The following PIF1 variants were observed in gnomAD, a reference collection of about 807,000 sequenced individuals.
PIF1 encodes ATP-dependent DNA helicase PIF1.
In PIF1, 67 loss-of-function variants were observed where a neutral mutation model predicts 62.3. The observed-to-expected ratio is 1.08, with a 90% CI of 0.88 to 1.32. The LOEUF (loss-of-function observed/expected upper bound fraction) is 1.32, where lower values mean the gene tolerates loss of function less well. PIF1 is among the 40% of genes most tolerant of loss of function. The pLI, the probability that PIF1 is intolerant of heterozygous loss-of-function variation, is 0.00. For synonymous variants in PIF1, 364 were observed against 379.5 expected, an observed-to-expected ratio of 0.96 and a Z score of 0.47; for missense variants, 886 against 866.1, an observed-to-expected ratio of 1.02 and a Z score of -0.29.
Position 64,821,201 on chromosome 15 carries a change from G to GT in PIF1, c.1051dup (p.Thr351AsnfsTer52), listed in dbSNP as rs776831769. On this transcript the variant is annotated frameshift_variant, in exon 6 of 13. Transcript: ENST00000559239. LOFTEE classifies it high-confidence loss of function. The stretch of plus-strand genomic sequence containing the variant: ...GAACCGTGGGGGCTGGGAGCCCTTG[G>GT]TCACAGGTGGCAGCTGCAGAAAGTC... 6.1e-5 allele frequency: 99 copies of GT among 1,614,092 alleles called. No homozygotes were observed. Among genetic ancestry groups the GT allele is most frequent in the Non-Finnish European group, 8.0e-5 (94 of 1,180,054 alleles).
At chr15:64,824,593 C>G (rs1383235034) in intron 1 of PIF1, among the ~76,000 whole-genome samples, 1 of 151,982 alleles carries the variant, frequency 6.6e-6, no homozygotes, top group Non-Finnish European at 1.5e-5. Flanking sequence ...GCGCTTTAAT[C>G]CCAGCACTTT....
At chr15:64,819,620 C>A (rs1316726664) in intron 8 of PIF1, among the ~76,000 whole-genome samples, 1 of 152,120 alleles carries the variant, frequency 6.6e-6, no homozygotes, top group Non-Finnish European at 1.5e-5. Context: ...CCAAAAAAAA[C>A]TATTAGACCA....
Position 64,824,349 on chromosome 15 carries a change from G to C in PIF1, c.-14C>G. ...GCCCGAGAGCATCGTCACCGCCTCT[G>C]CTGGTCTGCGAAGACACCGGAGCAC... On this transcript the variant is annotated 5_prime_UTR_variant, in exon 2 of 13. Coordinates refer to ENST00000559239, the MANE Select transcript of PIF1 (RefSeq NM_001286496.2). The C allele has an allele frequency of 8.0e-7, 1 of 1,246,012 alleles. No homozygotes were observed. Among genetic ancestry groups the C allele is most frequent in the South Asian group, 3.6e-5 (1 of 28,018 alleles). The allele number at this position is 1,246,012 out of a possible 1,614,324, so 77.2% of individuals were successfully genotyped here.
At chr15:64,819,666 T>TG (rs981966516) in intron 8 of PIF1, among the ~76,000 whole-genome samples, 181 bp downstream of exon 8, 1 of 152,134 alleles carries the variant, frequency 6.6e-6, no homozygotes, top group Admixed American at 6.6e-5. Flanking sequence ...AGCGCAGGCC[T>TG]GGGGGGCTGT....
intron 7 of PIF1, among the ~76,000 whole-genome samples, chr15:64,820,584 A>C (rs547712039): frequency 6.6e-6 from 1 of 152,048 alleles, no homozygotes; most frequent in Non-Finnish European, 1.5e-5. Context: ...TTTAGTAGAG[A>C]CTGGGTTTCA....
intron 11 of PIF1, among the ~76,000 whole-genome samples, chr15:64,817,550 C>A (rs528336048): frequency 4.5e-4 from 67 of 148,416 alleles, no homozygotes; most frequent in African/African-American, 1.3e-3. Flanking sequence ...AAAAACTAAA[C>A]TAAACTAAAA....
At chr15:64,820,100 G>A (rs2084264593) in intron 7 of PIF1, 114 bp from the exon 8 acceptor site, 1 of 1,351,626 alleles carries the variant, frequency 7.4e-7, no homozygotes, top group Non-Finnish European at 1.0e-6. Context: ...ACTGGAAGAG[G>A]GCACCAGGGA....
In PIF1 at chr15:64,819,203, C is replaced by A. The variant is rs760964633; in HGVS notation, c.1354G>T (p.Ala452Ser). 6.2e-7 allele frequency: 1 copy of A among 1,605,012 alleles called. No homozygotes were observed. The highest frequency in any genetic ancestry group is 1.1e-5 in the South Asian group (1 of 88,862). Residue 452 changes from alanine to serine, a missense_variant, in exon 9 of 13, where the codon GCT (alanine) becomes TCT (serine). Transcript: ENST00000559239. ...ELPGKVHRFE[A>S]MDSNPELAST... ...GCCAGCTCAGGGTTGCTGTCCATAG[C>A]CTCAAATCTGTGTACCTTACCTGGA... is the stretch of plus-strand genomic sequence containing the variant.
Position 64,815,837 on chromosome 15 carries a change from G to C in PIF1, c.*461C>G. 6.4e-7 allele frequency: 1 copy of C among 1,550,624 alleles called. No homozygotes were observed. The highest frequency in any genetic ancestry group is 1.4e-5 in the African/African-American group (1 of 73,152). On this transcript the variant is annotated 3_prime_UTR_variant, in exon 13 of 13. Coordinates refer to ENST00000559239, the MANE Select transcript of PIF1 (RefSeq NM_001286496.2). Reference sequence around the variant, plus strand: ...GGCCTAGCTGTAGAGACACACCTAAGTTCCGTTCTCTGTTTGGAGGCTGCA... The same window carrying C: ...GGCCTAGCTGTAGAGACACACCTAACTTCCGTTCTCTGTTTGGAGGCTGCA...
chr15:64,823,973 G>A lies in PIF1; in HGVS notation c.363C>T (p.Arg121=). 7.7e-7 allele frequency: 1 copy of A among 1,300,782 alleles called. No homozygotes were observed. Among genetic ancestry groups the A allele is most frequent in the South Asian group, 2.3e-5 (1 of 43,722 alleles). 80.6% of individuals were successfully genotyped at this position (1,300,782 alleles called of 1,614,324 possible). A position where few individuals can be genotyped will look rare whatever the true frequency, so the allele number is the denominator to read the frequency against. The stretch of plus-strand genomic sequence containing the variant: ...GACCCGGGGCCGCAGCCAGCTTGAG[G>A]CGCAATGTGCGCAGGAAGCGGCGCA... ...DRLRRFLRTL[R]LKLAAAPGPG... is the part of the protein sequence containing the mutation. Residue 121 remains arginine (R), a synonymous_variant, in exon 2 of 13, where the codon CGC becomes CGT. Coordinates refer to ENST00000559239, the MANE Select transcript of PIF1 (RefSeq NM_001286496.2).
chr15:64,824,067 A>T lies in PIF1; in HGVS notation c.269T>A (p.Leu90His). Residue 90 changes from leucine (L) to histidine (H), a missense_variant, in exon 2 of 13, where the codon CTC (leucine) becomes CAC (histidine). Coordinates refer to ENST00000559239, the MANE Select transcript of PIF1 (RefSeq NM_001286496.2). ...GGCCCCGGGGGTGTCGTGGGCGGGG[A>T]GCCGCAGGGTGCTGCGCCCGGCCTC... ...FAEAGRSTLR[L>H]PAHDTPGAGA... is the part of the protein sequence containing the mutation. 1.6e-6 allele frequency: 2 copies of T among 1,264,256 alleles called. No homozygotes were observed. Among genetic ancestry groups the T allele is most frequent in the South Asian group, 2.9e-5 (1 of 34,446 alleles). The allele number at this position is 1,264,256 out of a possible 1,614,324, so 78.3% of individuals were successfully genotyped here.
chr15:64,822,673 T>C, intron 2 of PIF1, 63 bp from the exon 3 acceptor site: 6 of 1,602,518 alleles, frequency 3.7e-6, no homozygotes, highest in Non-Finnish European at 5.1e-6. Context: ...CCCACCCTTC[T>C]TGGCCCATGT....
In PIF1 at chr15:64,822,380, A is replaced by G; in HGVS notation, c.703T>C (p.Ser235Pro). The change falls in exon 4 of 13, where the codon TCA (serine) becomes CCA (proline). Residue 235 changes from serine to proline, a missense_variant. Physicochemically the swap from Ser to Pro is moderately conservative, Grantham distance 74 (BLOSUM62 -1). Coordinates refer to ENST00000559239, the MANE Select transcript of PIF1 (RefSeq NM_001286496.2). ...CCCAGGATTCGCTTTAGCAGATATG[A>G]CTTCCCTGTTCCTGGACAGGGGCAA... ...FFTGSAGTGKSYLLKRILGSL... is the reference protein window; with the variant it reads ...FFTGSAGTGKPYLLKRILGSL... 1 of 1,614,032 alleles carries G rather than the reference A, an allele frequency of 6.2e-7. No homozygotes were observed. The highest frequency in any genetic ancestry group is 1.1e-5 in the South Asian group (1 of 91,080).
At position 64,819,071 on chromosome 15, in the gene PIF1, C is replaced by T. The variant is rs373315110; in HGVS notation, c.1440+46G>A. 1.6e-4 allele frequency: 229 copies of T among 1,442,384 alleles called. 2 individuals are homozygous for T. The South Asian group carries it at 2.7e-3, about 17-fold the overall frequency. The allele number at this position is 1,442,384 out of a possible 1,614,324, so 89.3% of individuals were successfully genotyped here. On this transcript the variant is annotated intron_variant, in intron 9 of 12. Transcript: ENST00000559239. Reference sequence around the variant, plus strand: ...GGGGTAGGGATCAGCAAGGCCCATGCGGGACAGCCCAAGCTCCCAGGGGCT... The same window carrying T: ...GGGGTAGGGATCAGCAAGGCCCATGTGGGACAGCCCAAGCTCCCAGGGGCT...
In PIF1 at chr15:64,823,954, G is replaced by C. The variant is rs1312996129; in HGVS notation, c.382C>G (p.Pro128Ala). 7.7e-7 allele frequency: 1 copy of C among 1,306,464 alleles called. No homozygotes were observed. Among genetic ancestry groups the C allele is most frequent in the African/African-American group, 1.5e-5 (1 of 65,184 alleles). The allele number at this position is 1,306,464 out of a possible 1,614,324, so 80.9% of individuals were successfully genotyped here. The change falls in exon 2 of 13, where the codon CCG (proline) becomes GCG (alanine). Residue 128 changes from proline to alanine, a missense_variant. Coordinates refer to ENST00000559239, the MANE Select transcript of PIF1 (RefSeq NM_001286496.2). ...RTLRLKLAAA[P>A]GPGPASARAQ... Reference sequence around the variant, plus strand: ...CGGGCGGAGGCCGGCCCGGGACCCGGGGCCGCAGCCAGCTTGAGGCGCAAT... The same window carrying C: ...CGGGCGGAGGCCGGCCCGGGACCCGCGGCCGCAGCCAGCTTGAGGCGCAAT...
At chr15:64,820,909 C>T (rs1312584389) in intron 7 of PIF1, 73 bp downstream of exon 7, 13 of 1,329,436 alleles carry the variant, frequency 9.8e-6, no homozygotes, top group Non-Finnish European at 1.4e-5. Context: ...TCTGTGAGTC[C>T]CTCTCTGTGT....
At chr15:64,826,698 AT>A (rs2084376178), upstream of PIF1, among the ~76,000 whole-genome samples, 1 of 140,104 alleles carries the variant, frequency 7.1e-6, no homozygotes, top group Non-Finnish European at 1.5e-5. Context: ...ACACACATAT[AT>A]ATACACACAC....
intron 1 of PIF1, 88 bp from the exon 2 acceptor site, chr15:64,824,442 T>C: frequency 2.2e-6 from 2 of 918,240 alleles, no homozygotes; most frequent in Non-Finnish European, 2.8e-6. Flanking sequence ...ATAAAGGACG[T>C]GACAGGGAGC....
chr15:64,816,322 C>T lies in PIF1; in HGVS notation c.1902G>A (p.Gln634=). Residue 634 remains glutamine, a synonymous_variant, in exon 13 of 13, where the codon CAG becomes CAA. Transcript: ENST00000559239. The part of the protein sequence containing the change: ...SPDDDEAASD[Q]ENMDPIL ...CTCAGAGGATTGGGTCCATGTTCTC[C>T]TGGTCTGAGGCTGCCTCATCATCAT... is the stretch of plus-strand genomic sequence containing the variant. The T allele has an allele frequency of 6.2e-7, 1 of 1,614,082 alleles. No homozygotes were observed. Among genetic ancestry groups the T allele is most frequent in the East Asian group, 2.2e-5 (1 of 44,876 alleles).
Sources: allele counts gnomAD v4.1 joint callset (sites outside exome capture counted in the v4.1 genomes callset), GRCh38; gene constraint gnomAD v4.1.1; transcripts MANE v1.5; gene names NCBI Gene and HGNC (gene_info 2026-07-23, HGNC 2026-07-21).